Variants in KCNJ6 observed in about 807,000 individuals in gnomAD.
KCNJ6 encodes G protein-activated inward rectifier potassium channel 2.
In KCNJ6, 9 loss-of-function variants were observed where a neutral mutation model predicts 34.2. That is an observed-to-expected ratio of 0.26 (90% confidence interval 0.16 to 0.46). The LOEUF (loss-of-function observed/expected upper bound fraction) is 0.46, where lower values mean the gene tolerates loss of function less well. Among genes scored for constraint, KCNJ6 ranks in the 20% least tolerant of loss-of-function variants. KCNJ6 has a pLI of 1.00. For synonymous variants in KCNJ6, 196 were observed against 207.1 expected, an observed-to-expected ratio of 0.95 and a Z score of 0.46; for missense variants, 236 against 531.3, an observed-to-expected ratio of 0.44 and a Z score of 5.46.
At chr21:37,736,659 CGATGGGGA>C (rs897491707) in intron 2 of KCNJ6, among the ~76,000 whole-genome samples, 6 of 152,256 alleles carry the variant, frequency 3.9e-5, no homozygotes, top group Admixed American at 6.5e-5. Context: ...GCCAGTGTCC[CGATGGGGA>C]GATGGAGAGA....
intron 2 of KCNJ6, among the ~76,000 whole-genome samples, chr21:37,792,525 G>T (rs1274308934): frequency 6.6e-6 from 1 of 152,190 alleles, no homozygotes; most frequent in Middle Eastern, 3.2e-3. Context: ...AGATTCTAGA[G>T]TCCAGTAGGG....
chr21:37,801,147 C>A (rs543383696), intron 2 of KCNJ6, among the ~76,000 whole-genome samples: 1 of 152,242 alleles, frequency 6.6e-6, no homozygotes, highest in East Asian at 1.9e-4. Flanking sequence ...TGAACCCAAC[C>A]CTTTGGCCTC....
chr21:37,750,406 T>C (rs1316436479), intron 2 of KCNJ6, among the ~76,000 whole-genome samples: 1 of 152,182 alleles, frequency 6.6e-6, no homozygotes, highest in Admixed American at 6.5e-5. Context: ...TATAAATCAT[T>C]CTACTATAAA....
chr21:37,649,041 AG>A (rs36043697), intron 3 of KCNJ6, among the ~76,000 whole-genome samples: 150,955 of 150,956 alleles, frequency 1, 75,477 homozygotes, highest in Non-Finnish European at 1. Context: ...CTGAGGCAGA[AG>A]GAATCACCTG....
chr21:37,733,543 C>T (rs1436508410), intron 2 of KCNJ6, among the ~76,000 whole-genome samples: 1 of 152,212 alleles, frequency 6.6e-6, no homozygotes, highest in Non-Finnish European at 1.5e-5. Context: ...CATCTTTCTT[C>T]TAGGGACTGT....
At position 37,610,296 on chromosome 21, in the gene KCNJ6, C is replaced by A. The variant is rs967031314; in HGVS notation, c.*14863G>T. 3 of 152,244 alleles carry A rather than the reference C, an allele frequency of 2.0e-5. No homozygotes were observed. The highest frequency in any genetic ancestry group is 3.4e-3 in the Middle Eastern group (1 of 294). 9.4% of individuals were successfully genotyped at this position (152,244 alleles called of 1,614,324 possible). A position where few individuals can be genotyped will look rare whatever the true frequency, so the allele number is the denominator to read the frequency against. On this transcript the variant is annotated 3_prime_UTR_variant, in exon 4 of 4. Coordinates refer to ENST00000609713, the MANE Select transcript of KCNJ6 (RefSeq NM_002240.5). ...AGATTAGTCTTTTTGCTTAAGCTTG[C>A]ATGGAATGTTCATCAAGTTAGACTG...
At chr21:37,696,404 G>T (rs1417111728) in intron 3 of KCNJ6, among the ~76,000 whole-genome samples, 1 of 152,158 alleles carries the variant, frequency 6.6e-6, no homozygotes, top group Non-Finnish European at 1.5e-5. Context: ...GCACCACTTT[G>T]TATTCTTGCC....
At chr21:37,760,915 G>A (rs566758688) in intron 2 of KCNJ6, among the ~76,000 whole-genome samples, 78 of 152,270 alleles carry the variant, frequency 5.1e-4, no homozygotes, top group African/African-American at 1.8e-3. Flanking sequence ...AGGGCCAGAC[G>A]GTCTTGGGCT....
intron 2 of KCNJ6, among the ~76,000 whole-genome samples, chr21:37,819,079 T>C (rs1601486836): frequency 1.3e-5 from 2 of 152,232 alleles, no homozygotes; most frequent in African/African-American, 4.8e-5. Flanking sequence ...TTTTCCAAAT[T>C]ATTTGGTCTC....
intron 2 of KCNJ6, among the ~76,000 whole-genome samples, chr21:37,727,709 T>C (rs1288881861): frequency 1.3e-5 from 2 of 152,082 alleles, no homozygotes; most frequent in East Asian, 1.9e-4. Flanking sequence ...GAAAAAGTGA[T>C]GAACTTCATC....
chr21:37,656,032 G>C (rs2054462344), intron 3 of KCNJ6, among the ~76,000 whole-genome samples: 1 of 152,124 alleles, frequency 6.6e-6, no homozygotes, highest in Admixed American at 6.5e-5. Context: ...TGGACTTAGG[G>C]GTTTTGCATC....
intron 3 of KCNJ6, among the ~76,000 whole-genome samples, chr21:37,633,729 G>T (rs1185540478): frequency 6.6e-6 from 1 of 151,856 alleles, no homozygotes; most frequent in African/African-American, 2.4e-5. Context: ...AAAAACCCTA[G>T]AAATCAATCT....
chr21:37,862,650 T>C (rs117094541), intron 1 of KCNJ6, among the ~76,000 whole-genome samples: 1,705 of 152,300 alleles, frequency 0.011, 28 homozygotes, highest in Non-Finnish European at 0.013. Context: ...CCTGTGTAGA[T>C]AGTCAGAGAA....
At position 37,677,277 on chromosome 21, in the gene KCNJ6, T is replaced by C. The variant is rs142585142; in HGVS notation, c.946+36934A>G. Among the ~76,000 whole-genome samples the C allele has an allele frequency of 3.6e-3, 552 of 152,292 alleles. 4 individuals carry two copies. Among genetic ancestry groups the C allele is most frequent in the African/African-American group, 0.012 (513 of 41,554 alleles). Reference sequence around the variant, plus strand: ...TGGCTTTTCCATGGCAACAGCTCAGTTCCTGGTAGGCAGCCCTCACCTGCT... The same window carrying C: ...TGGCTTTTCCATGGCAACAGCTCAGCTCCTGGTAGGCAGCCCTCACCTGCT... On this transcript the variant is annotated intron_variant, in intron 3 of 3. Transcript: ENST00000609713.
chr21:37,628,418 G>A (rs2054320198), intron 3 of KCNJ6, among the ~76,000 whole-genome samples: 1 of 152,142 alleles, frequency 6.6e-6, no homozygotes, highest in Admixed American at 6.5e-5. Flanking sequence ...AATTACTACA[G>A]GAACTTAACA....
chr21:37,657,381 T>G (rs2054469003), intron 3 of KCNJ6, among the ~76,000 whole-genome samples: 1 of 152,164 alleles, frequency 6.6e-6, no homozygotes, highest in Non-Finnish European at 1.5e-5. Flanking sequence ...GTGCTCTTGT[T>G]CTGGCCCTGA....
intron 2 of KCNJ6, among the ~76,000 whole-genome samples, chr21:37,769,625 T>A (rs1170419437): frequency 6.6e-6 from 1 of 151,618 alleles, no homozygotes; most frequent in Non-Finnish European, 1.5e-5. Context: ...GGAAAAATGC[T>A]GCAAGTTACG....
chr21:37,689,080 A>G (rs2054628034), intron 3 of KCNJ6, among the ~76,000 whole-genome samples: 1 of 152,232 alleles, frequency 6.6e-6, no homozygotes, highest in African/African-American at 2.4e-5. Context: ...TGAATGATGT[A>G]TGTATATGTA....
intron 1 of KCNJ6, among the ~76,000 whole-genome samples, chr21:37,891,993 ATT>A (rs777239255): frequency 6.6e-6 from 1 of 152,116 alleles, no homozygotes; most frequent in Non-Finnish European, 1.5e-5. Flanking sequence ...GAAGACAAAG[ATT>A]TTCATGTTGG....
Sources: gnomAD v4.1 joint callset for allele counts (sites outside exome capture counted in the v4.1 genomes callset) on GRCh38, gnomAD v4.1.1 for gene constraint, MANE v1.5 for transcripts, NCBI Gene and HGNC (gene_info 2026-07-23, HGNC 2026-07-21) for gene names.